RECQL: variants seen among roughly 807,000 people sequenced by gnomAD.
RECQL encodes the protein RecQ like helicase, also known as ATP-dependent DNA helicase Q1.
A neutral mutation model predicts 75.8 loss-of-function variants in RECQL; 73 were observed. That is an observed-to-expected ratio of 0.96 (90% CI 0.80 to 1.17). RECQL has a LOEUF of 1.17. RECQL is among the 50% of genes most tolerant of loss of function. The pLI, the probability that RECQL is intolerant of heterozygous loss-of-function variation, is 0.00. For missense variants in RECQL, 699 were observed against 772.1 expected (o/e 0.91, Z 1.12); for synonymous variants, 248 against 254.4 (o/e 0.97, Z 0.24).
rs746587399 is a variant in RECQL, at chr12:21,483,530, G to A, written c.546C>T (p.Ser182=). ...WVHAEMVNKN[S]ELKLIYVTPE... ...GAGTCACATAAATCAGCTTTAACTC[G>A]GAGTTTTTATTTACCATTTCAGCAT... The change falls in exon 6 of 15, where the codon TCC becomes TCT. Residue 182 remains serine, a synonymous_variant. Coordinates refer to ENST00000444129, the MANE Select transcript of RECQL (RefSeq NM_002907.4). 42 of 1,576,786 alleles carry A rather than the reference G, an allele frequency of 2.7e-5. 1 individual carries two copies. The highest frequency in any genetic ancestry group is 2.6e-4 in the South Asian group (22 of 84,088).
intron 2 of RECQL, among the ~76,000 whole-genome samples, 197 bp downstream of exon 2, chr12:21,499,345 ACTGCACAACAGTC>A (rs972303952): frequency 1.3e-5 from 2 of 152,228 alleles, no homozygotes; most frequent in Non-Finnish European, 2.9e-5. Flanking sequence ...AGTGGTGACG[ACTGCACAACAGTC>A]TAAATGCATT....
At chr12:21,471,143 C>T in intron 13 of RECQL, 45 bp from the exon 14 acceptor site, 2 of 1,518,068 alleles carry the variant, frequency 1.3e-6, no homozygotes, top group South Asian at 1.3e-5. Context: ...TTGAAGGAAT[C>T]ACGGAAAACA....
chr12:21,471,425 T>TA lies in RECQL; in HGVS notation c.1667+2dup. 6.2e-7 allele frequency: 1 copy of TA among 1,606,826 alleles called. No homozygotes were observed. The highest frequency in any genetic ancestry group is 8.5e-7 in the Non-Finnish European group (1 of 1,174,690). On this transcript the variant is annotated splice_region_variant and intron_variant, in intron 13 of 14. Coordinates refer to ENST00000444129, the MANE Select transcript of RECQL (RefSeq NM_002907.4). Reference sequence around the variant, plus strand: ...AAAGAATAATGAATGAGTTTGTACATACTTAAGATACTGCTGTATTAGAAA... The same window carrying TA: ...AAAGAATAATGAATGAGTTTGTACATAACTTAAGATACTGCTGTATTAGAAA...
rs1310095279 is a variant in RECQL at position 21,469,490 on chromosome 12, T to C, written c.*704A>G. 2 of 150,032 alleles carry C rather than the reference T, an allele frequency of 1.3e-5. No individual in the cohort carries two copies. The highest frequency in any genetic ancestry group is 4.9e-5 in the African/African-American group (2 of 40,594). The allele number at this position is 150,032 out of a possible 1,614,324, so 9.3% of individuals were successfully genotyped here. ...AAGCCAAAAGATTGGACATCCCTGA[T>C]CTACATATTTAACTTAAAGTATCAC... On this transcript the variant is annotated 3_prime_UTR_variant, in exon 15 of 15. Coordinates refer to ENST00000444129, the MANE Select transcript of RECQL (RefSeq NM_002907.4).
intron 6 of RECQL, among the ~76,000 whole-genome samples, 168 bp from the exon 7 acceptor site, chr12:21,478,137 T>C (rs909340323): frequency 4.6e-5 from 7 of 152,164 alleles, no homozygotes; most frequent in African/African-American, 1.4e-4. Context: ...GCAGGCTTTA[T>C]TACGTTTATT....
intron 2 of RECQL, among the ~76,000 whole-genome samples, chr12:21,496,880 A>G (rs994314091): frequency 8.5e-5 from 13 of 152,290 alleles, no homozygotes; most frequent in Admixed American, 6.5e-4. Context: ...CCATGATACA[A>G]TCTTCTCTTA....
chr12:21,496,966 T>C (rs1016338969), intron 2 of RECQL, among the ~76,000 whole-genome samples: 1 of 152,224 alleles, frequency 6.6e-6, no homozygotes, highest in African/African-American at 2.4e-5. Context: ...ATGACACCTT[T>C]GGCCTATAGA....
At chr12:21,495,693 T>A (rs1232735177) in intron 2 of RECQL, among the ~76,000 whole-genome samples, 1 of 152,232 alleles carries the variant, frequency 6.6e-6, no homozygotes, top group Non-Finnish European at 1.5e-5. Flanking sequence ...GCCATGGTGA[T>A]CCACCAGTCA....
intron 6 of RECQL, 73 bp from the exon 7 acceptor site, chr12:21,478,042 G>A (rs1943119993): frequency 5.0e-6 from 7 of 1,412,160 alleles, no homozygotes; most frequent in Non-Finnish European, 6.7e-6. Context: ...TTAACATTAT[G>A]CAGATAATCG....
chr12:21,473,485 C>A, intron 12 of RECQL, 66 bp downstream of exon 12: 2 of 1,199,406 alleles, frequency 1.7e-6, no homozygotes, highest in Non-Finnish European at 2.5e-6. Flanking sequence ...TTTCTCAGAA[C>A]GTATCTCTGT....
At chr12:21,491,429 T>G (rs1386526264) in intron 3 of RECQL, 90 bp downstream of exon 3, 1 of 1,286,860 alleles carries the variant, frequency 7.8e-7, no homozygotes, top group African/African-American at 1.5e-5. Flanking sequence ...CTAAGCCTAC[T>G]GGAAAGCACT....
At chr12:21,473,051 GT>G (rs1943011796) in intron 12 of RECQL, among the ~76,000 whole-genome samples, 1 of 152,002 alleles carries the variant, frequency 6.6e-6, no homozygotes, top group Admixed American at 6.6e-5. Context: ...CATGTTGATA[GT>G]TTTAATTCTG....
intron 11 of RECQL, 90 bp from the exon 12 acceptor site, chr12:21,473,732 T>C: frequency 3.0e-6 from 3 of 998,046 alleles, no homozygotes; most frequent in Middle Eastern, 2.1e-4. Context: ...TATACTGTAT[T>C]AGCTTCCTAT....
At chr12:21,472,204 GT>G (rs1401606229) in intron 12 of RECQL, among the ~76,000 whole-genome samples, 18 of 150,950 alleles carry the variant, frequency 1.2e-4, no homozygotes, top group African/African-American at 3.9e-4. Context: ...TTACCATGAG[GT>G]ACTGGCTAGT....
At chr12:21,486,764 G>A (rs552510093) in intron 4 of RECQL, among the ~76,000 whole-genome samples, 179 bp from the exon 5 acceptor site, 125 of 146,066 alleles carry the variant, frequency 8.6e-4, no homozygotes, top group South Asian at 1.9e-3. Context: ...TCTGCCTCCC[G>A]GGTTCAAGCA....
chr12:21,476,377 T>C (rs895816881), intron 8 of RECQL, among the ~76,000 whole-genome samples: 2 of 152,192 alleles, frequency 1.3e-5, no homozygotes, highest in East Asian at 3.9e-4. Context: ...CCTGAAAATC[T>C]ATAGAACAGT....
intron 6 of RECQL, among the ~76,000 whole-genome samples, chr12:21,479,256 T>C (rs559926302): frequency 9.1e-4 from 138 of 152,274 alleles, no homozygotes; most frequent in African/African-American, 3.0e-3. Context: ...GACACTGTTA[T>C]GTACAAGGCA....
Position 21,486,593 on chromosome 12 carries a change from A to AT in RECQL, c.395-9_395-8insA. 2 of 1,531,730 alleles carry AT rather than the reference A, an allele frequency of 1.3e-6. No homozygotes were observed. The highest frequency in any genetic ancestry group is 1.8e-6 in the Non-Finnish European group (2 of 1,142,664). 94.9% of individuals were successfully genotyped at this position (1,531,730 alleles called of 1,614,324 possible). A position where few individuals can be genotyped will look rare whatever the true frequency, so the allele number is the denominator to read the frequency against. ...AAATGACGAGTGTAAAACCTAAAAG[A>AT]GAAAAAAAAAAAAATCTACCTTAAA... is the stretch of plus-strand genomic sequence containing the variant. On this transcript the variant is annotated splice_polypyrimidine_tract_variant and intron_variant, in intron 4 of 14. Coordinates refer to ENST00000444129, the MANE Select transcript of RECQL (RefSeq NM_002907.4).
At chr12:21,491,788 G>C in intron 2 of RECQL, 72 bp from the exon 3 acceptor site, 1 of 1,339,390 alleles carries the variant, frequency 7.5e-7, no homozygotes, top group Non-Finnish European at 1.0e-6. Context: ...ATTGATTTCT[G>C]GGTGTTGCCC....
Sources: gnomAD v4.1 joint callset for allele counts (sites outside exome capture counted in the v4.1 genomes callset) on GRCh38, gnomAD v4.1.1 for gene constraint, MANE v1.5 for transcripts, NCBI Gene and HGNC (gene_info 2026-07-23, HGNC 2026-07-21) for gene names.